Variants in STK3 observed in about 807,000 individuals in gnomAD.
The protein encoded by STK3 is serine/threonine kinase 3, also known as serine/threonine-protein kinase 3.
In STK3, 41 loss-of-function variants were observed where a neutral mutation model predicts 58.0. That is an observed-to-expected ratio of 0.71 (90% CI 0.55 to 0.92). STK3 has a LOEUF of 0.92. Ranked by LOEUF, STK3 falls within the 40% of genes least tolerant of loss-of-function variation. The probability of loss-of-function intolerance (pLI) is 0.00; values close to 1 mark genes in which losing one functional copy is unlikely to be tolerated. For missense variants in STK3, 479 were observed against 602.7 expected, an observed-to-expected ratio of 0.79 and a Z score of 2.15; for synonymous variants, 170 against 191.0, an observed-to-expected ratio of 0.89 and a Z score of 0.91.
At chr8:98,492,516 A>G (rs1822779998) in intron 10 of STK3, among the ~76,000 whole-genome samples, 1 of 152,224 alleles carries the variant, frequency 6.6e-6, no homozygotes, top group African/African-American at 2.4e-5. Context: ...TGAAGATAGT[A>G]ATAATTTTAA....
intron 9 of STK3, among the ~76,000 whole-genome samples, chr8:98,533,590 C>T (rs757796009): frequency 4.6e-5 from 7 of 152,050 alleles, no homozygotes; most frequent in African/African-American, 7.2e-5. Flanking sequence ...TGGGCTCAAG[C>T]GATTTTCCCA....
chr8:98,800,142 T>A lies in STK3; in HGVS notation c.27-25323A>T, dbSNP rs548838328. ...TGCCGCTACTCGCCTTTGGACCCTA[T>A]ATTTTTAACCTCCTTGTTTTGTTTC... On this transcript the variant is annotated intron_variant, in intron 1 of 10. Coordinates refer to ENST00000419617, the MANE Select transcript of STK3 (RefSeq NM_006281.4). This position sits in a 1 kb window ranked among gnomAD's most constrained non-coding sequence, Gnocchi z 4.8. Among the ~76,000 whole-genome samples the A allele has an allele frequency of 2.6e-5, 4 of 152,344 alleles. No homozygotes were observed. The South Asian group carries it at 8.3e-4, about 32-fold the overall frequency.
At chr8:98,518,971 C>A (rs1586761099) in intron 10 of STK3, among the ~76,000 whole-genome samples, 1 of 152,098 alleles carries the variant, frequency 6.6e-6, no homozygotes, top group East Asian at 1.9e-4. Flanking sequence ...TTTATTTCTT[C>A]TTTACCCTAG....
intron 6 of STK3, among the ~76,000 whole-genome samples, chr8:98,627,722 G>A (rs1050568760): frequency 3.3e-5 from 5 of 152,026 alleles, no homozygotes; most frequent in Non-Finnish European, 5.9e-5. Flanking sequence ...CCCAGCTTCA[G>A]GTATTTATTT....
At chr8:98,753,525 G>A (rs1830106110) in intron 3 of STK3, among the ~76,000 whole-genome samples, 1 of 151,922 alleles carries the variant, frequency 6.6e-6, no homozygotes, top group African/African-American at 2.4e-5. Flanking sequence ...ATGGGTACTA[G>A]GCTTAATACC....
chr8:98,842,067 A>G (rs888567129), intron 3 of STK3, among the ~76,000 whole-genome samples: 2 of 152,144 alleles, frequency 1.3e-5, no homozygotes, highest in African/African-American at 4.8e-5. Flanking sequence ...ATACATAGAA[A>G]TAATCCAAAA....
At chr8:98,881,271 C>A (rs1415693068), downstream of STK3, 3 of 152,082 alleles carry the variant, frequency 2.0e-5, no homozygotes, top group Non-Finnish European at 4.4e-5. Flanking sequence ...AGAAGCCAAC[C>A]CCAAAAGGCT....
intron 3 of STK3, among the ~76,000 whole-genome samples, chr8:98,840,098 G>A (rs958759979): frequency 3.3e-5 from 5 of 152,206 alleles, no homozygotes; most frequent in African/African-American, 1.2e-4. Flanking sequence ...TGTAATCCCA[G>A]CACTTTGAGA....
exon 2 of STK3, chr8:98,379,183 TG>T (rs1817705616): frequency 6.6e-6 from 1 of 152,180 alleles, no homozygotes; most frequent in East Asian, 1.9e-4. Context: ...TTAAAGGCTC[TG>T]AATTCTCAGT....
intron 10 of STK3, among the ~76,000 whole-genome samples, chr8:98,478,664 T>C (rs1821580082): frequency 6.6e-6 from 1 of 152,238 alleles, no homozygotes; most frequent in Non-Finnish European, 1.5e-5. Context: ...ACTGAAGTTC[T>C]TTCAGTTTCG....
intron 9 of STK3, among the ~76,000 whole-genome samples, chr8:98,546,894 T>C (rs1201011281): frequency 6.6e-6 from 1 of 152,024 alleles, no homozygotes; most frequent in Non-Finnish European, 1.5e-5. Flanking sequence ...TATGCAACCA[T>C]AGTGGGCTAC....
intron 1 of STK3, among the ~76,000 whole-genome samples, chr8:98,384,507 C>T (rs1236343860): frequency 6.6e-6 from 1 of 152,216 alleles, no homozygotes; most frequent in Admixed American, 6.5e-5. Context: ...CAAGACCTTC[C>T]ATCCAGTAAT....
rs188149755 is a variant in STK3 at position 98,667,969 on chromosome 8, T to C, written c.684+38498A>G. Among the ~76,000 whole-genome samples, 1,285 of 152,242 alleles carry C rather than the reference T, an allele frequency of 8.4e-3. 11 individuals are homozygous for C. The highest frequency in any genetic ancestry group is 0.029 in the African/African-American group (1,211 of 41,586). ...AAGTGACTCACCATATAAAAGTTAA[T>C]CAATGCTTAAAAATACATTAGAGTA... On this transcript the variant is annotated intron_variant, in intron 6 of 10. Coordinates refer to ENST00000419617, the MANE Select transcript of STK3 (RefSeq NM_006281.4).
upstream of STK3, among the ~76,000 whole-genome samples, chr8:98,391,944 C>T (rs1469348811): frequency 6.6e-6 from 1 of 152,046 alleles, no homozygotes; most frequent in Non-Finnish European, 1.5e-5. Flanking sequence ...CCCTTTTTAT[C>T]CCAGTTACTG....
chr8:98,758,484 G>T (rs1206887773), intron 3 of STK3, among the ~76,000 whole-genome samples: 15 of 152,214 alleles, frequency 9.9e-5, no homozygotes, highest in Admixed American at 9.8e-4. Context: ...GGGATGTAAG[G>T]TTGGTTCAAT....
At chr8:98,372,108 C>T (rs979240314) in intron 2 of STK3, among the ~76,000 whole-genome samples, 10 of 152,100 alleles carry the variant, frequency 6.6e-5, no homozygotes, top group Non-Finnish European at 1.2e-4. Context: ...AATGCAGTTG[C>T]AAGGCATGGA....
At chr8:98,766,019 A>G (rs960050477) in intron 3 of STK3, among the ~76,000 whole-genome samples, 1 of 152,072 alleles carries the variant, frequency 6.6e-6, no homozygotes, top group Non-Finnish European at 1.5e-5. Flanking sequence ...CACCCCAATG[A>G]GTTGTTTTTA....
chr8:98,435,391 G>A (rs1269284322), intron 2 of STK3, among the ~76,000 whole-genome samples: 1 of 152,200 alleles, frequency 6.6e-6, no homozygotes, highest in Non-Finnish European at 1.5e-5. Flanking sequence ...GCAGATGGGG[G>A]GCAGAAGTAA....
intron 1 of STK3, among the ~76,000 whole-genome samples, chr8:98,776,083 C>T (rs1831657194): frequency 6.6e-6 from 1 of 152,218 alleles, no homozygotes; most frequent in Non-Finnish European, 1.5e-5. Flanking sequence ...GACACCAGAA[C>T]AAGTCTATAA....
Sources: gnomAD v4.1 joint callset for allele counts (sites outside exome capture counted in the v4.1 genomes callset) on GRCh38, gnomAD v4.1.1 for gene constraint, Gnocchi (gnomAD v3.1) non-coding constraint, MANE v1.5 for transcripts, NCBI Gene and HGNC (gene_info 2026-07-23, HGNC 2026-07-21) for gene names.